MEIS2: variants seen among roughly 807,000 people sequenced by gnomAD.
The protein encoded by MEIS2 is homeobox protein Meis2.
In MEIS2, 9 loss-of-function variants were observed where a neutral mutation model predicts 58.6. That is an observed-to-expected ratio of 0.15 (90% CI 0.09 to 0.27). The LOEUF is 0.27. MEIS2 is among the 10% of genes least tolerant of loss of function. The probability of loss-of-function intolerance (pLI) is 1.00; values close to 1 mark genes in which losing one functional copy is unlikely to be tolerated. For synonymous variants in MEIS2, 221 were observed against 228.4 expected (o/e 0.97, Z 0.29); for missense variants, 427 against 635.0 (o/e 0.67, Z 3.52).
intron 7 of MEIS2, among the ~76,000 whole-genome samples, chr15:37,073,784 C>T (rs541071563): frequency 5.3e-5 from 8 of 151,986 alleles, no homozygotes; most frequent in Non-Finnish European, 1.0e-4. Flanking sequence ...TGAAATTTTA[C>T]ACTCCCAGTC....
chr15:36,991,865 G>C (rs1380623618), intron 8 of MEIS2, among the ~76,000 whole-genome samples: 1 of 120,256 alleles, frequency 8.3e-6, no homozygotes, highest in Non-Finnish European at 1.6e-5. Flanking sequence ...TCGGCTCACT[G>C]CAAGCTCCGC....
chr15:37,051,272 A>AT (rs1229876568), intron 7 of MEIS2, among the ~76,000 whole-genome samples: 2 of 152,212 alleles, frequency 1.3e-5, no homozygotes, highest in Non-Finnish European at 2.9e-5. Context: ...ACACACTGAA[A>AT]TACTACTCAG....
chr15:37,098,180 T>C lies in MEIS2; in HGVS notation c.32A>G (p.Tyr11Cys). ...AACCCCTACTCCGTCCATCCCGCCGTAATGGGGCAGCTCATCGTACTGTCA... is the reference window on the plus strand; with the variant it reads ...AACCCCTACTCCGTCCATCCCGCCGCAATGGGGCAGCTCATCGTACTGTCA... Reference protein sequence around the residue: MAQRYDELPHYGGMDGVGVPA... With the variant: MAQRYDELPHCGGMDGVGVPA... The change falls in exon 2 of 12, where the codon TAC becomes TGC. Residue 11 changes from tyrosine to cysteine, a missense_variant. Tyr to Cys is a radical substitution (Grantham distance 194, BLOSUM62 -2). Around this residue, in one of 6 missense-constraint regions of MEIS2, gnomAD observed 103 missense variants for 111.8 expected, o/e 0.92. Transcript: ENST00000561208. 6.2e-7 allele frequency: 1 copy of C among 1,602,126 alleles called. No individual in the cohort carries two copies. Among genetic ancestry groups the C allele is most frequent in the Non-Finnish European group, 8.5e-7 (1 of 1,173,486 alleles).
intron 8 of MEIS2, among the ~76,000 whole-genome samples, chr15:37,020,863 C>T (rs1250665043): frequency 1.3e-5 from 2 of 152,060 alleles, no homozygotes; most frequent in Non-Finnish European, 2.9e-5. Context: ...AAAAACTCTG[C>T]TCTGAACTGA....
intron 7 of MEIS2, among the ~76,000 whole-genome samples, chr15:37,056,806 C>A (rs1025388114): frequency 1.3e-5 from 2 of 152,212 alleles, no homozygotes; most frequent in African/African-American, 4.8e-5. Flanking sequence ...CCCTGACCCC[C>A]ACCCTGGGCA....
chr15:37,066,206 G>A (rs1395827316), intron 7 of MEIS2: 1 of 152,076 alleles, frequency 6.6e-6, no homozygotes, highest in Non-Finnish European at 1.5e-5. Context: ...AAAATCACTA[G>A]CAAGAGGCTT....
intron 7 of MEIS2, among the ~76,000 whole-genome samples, chr15:37,059,040 C>A (rs1043169907): frequency 2.6e-5 from 4 of 152,146 alleles, no homozygotes; most frequent in African/African-American, 9.7e-5. Context: ...ATTTAAATGA[C>A]CAACAATCTA....
chr15:37,095,470 T>C (rs1894113438), intron 4 of MEIS2, 94 bp downstream of exon 4: 2 of 1,584,290 alleles, frequency 1.3e-6, no homozygotes, highest in Non-Finnish European at 1.7e-6. Context: ...AAGAGGGTTC[T>C]GTTCTAACTC....
intron 7 of MEIS2, among the ~76,000 whole-genome samples, chr15:37,078,591 C>A (rs1366888908): frequency 3.6e-5 from 2 of 55,310 alleles, no homozygotes; most frequent in Non-Finnish European, 6.8e-5. Context: ...AAAGGATTGC[C>A]AGGAAAAAAC....
chr15:36,917,741 GT>G (rs1294037936), intron 9 of MEIS2, among the ~76,000 whole-genome samples: 1 of 152,138 alleles, frequency 6.6e-6, no homozygotes, highest in Non-Finnish European at 1.5e-5. Context: ...ACCTAAAAGA[GT>G]TTCAGGGTCA....
chr15:37,022,711 C>A (rs2061565583), intron 8 of MEIS2, among the ~76,000 whole-genome samples: 1 of 152,168 alleles, frequency 6.6e-6, no homozygotes, highest in African/African-American at 2.4e-5. Context: ...GCAAGCTCAG[C>A]TCACTGCAAC....
chr15:36,949,326 G>A (rs1015595362), intron 9 of MEIS2, among the ~76,000 whole-genome samples: 1 of 151,898 alleles, frequency 6.6e-6, no homozygotes, highest in African/African-American at 2.4e-5. Flanking sequence ...ATTGACCCTC[G>A]GGTAGCTCAT....
At chr15:36,998,116 T>C (rs2060590979) in intron 8 of MEIS2, among the ~76,000 whole-genome samples, 1 of 152,182 alleles carries the variant, frequency 6.6e-6, no homozygotes, top group Non-Finnish European at 1.5e-5. Flanking sequence ...CGACGGGCTA[T>C]AGGTTGTTCA....
chr15:37,023,770 G>A (rs984701055), intron 8 of MEIS2, among the ~76,000 whole-genome samples: 4 of 151,982 alleles, frequency 2.6e-5, no homozygotes, highest in Admixed American at 6.6e-5. Flanking sequence ...CATCACCCTC[G>A]CCACAGTTCC....
intron 9 of MEIS2, among the ~76,000 whole-genome samples, chr15:36,926,527 T>A (rs753548509): frequency 7.9e-5 from 12 of 152,224 alleles, no homozygotes; most frequent in Non-Finnish European, 5.9e-5. Context: ...ATGAATTACA[T>A]GTTCTGGGAA....
At chr15:37,086,703 A>T (rs1892932273) in intron 6 of MEIS2, among the ~76,000 whole-genome samples, 1 of 152,214 alleles carries the variant, frequency 6.6e-6, no homozygotes. Context: ...CACGATAGTC[A>T]TCTGATTTGA....
At chr15:37,010,172 C>T (rs550701872) in intron 8 of MEIS2, among the ~76,000 whole-genome samples, 1 of 150,520 alleles carries the variant, frequency 6.6e-6, no homozygotes, top group South Asian at 2.1e-4. Flanking sequence ...ACTGCAAGCT[C>T]TGCATCCTGG....
At chr15:37,022,212 C>A (rs1255540207) in intron 8 of MEIS2, among the ~76,000 whole-genome samples, 1 of 151,786 alleles carries the variant, frequency 6.6e-6, no homozygotes, top group Non-Finnish European at 1.5e-5. Context: ...CCAGAAAGAC[C>A]ATGTCAACTT....
At chr15:37,024,854 G>GGAACAAA (rs1474490138) in intron 8 of MEIS2, among the ~76,000 whole-genome samples, 5 of 152,144 alleles carry the variant, frequency 3.3e-5, no homozygotes, top group African/African-American at 1.2e-4. Flanking sequence ...GAAGAGTTTA[G>GGAACAAA]GAACAAAGAA....
Sources: gnomAD v4.1 joint callset for allele counts (sites outside exome capture counted in the v4.1 genomes callset) on GRCh38, gnomAD v4.1.1 for gene constraint, gnomAD v4.1.1 regional missense constraint, MANE v1.5 for transcripts, NCBI Gene and HGNC (gene_info 2026-07-23, HGNC 2026-07-21) for gene names.